The following THSD7B variants were observed in gnomAD, a reference collection of about 807,000 sequenced individuals.
THSD7B encodes the protein thrombospondin type-1 domain-containing protein 7B.
THSD7B carries 138 observed loss-of-function variants against 213.6 expected under a neutral mutation model. That is an observed-to-expected ratio of 0.65 (90% CI 0.56 to 0.74). The LOEUF (loss-of-function observed/expected upper bound fraction) is 0.74, where lower values mean the gene tolerates loss of function less well. THSD7B is among the 30% of genes least tolerant of loss of function. The pLI is 0.00. For synonymous variants in THSD7B, 742 were observed against 687.0 expected, an observed-to-expected ratio of 1.08 and a Z score of -1.25; for missense variants, 1,931 against 1,991.5, an observed-to-expected ratio of 0.97 and a Z score of 0.58.
chr2:137,532,562 A>T (rs1347430273), intron 15 of THSD7B, among the ~76,000 whole-genome samples: 1 of 151,826 alleles, frequency 6.6e-6, no homozygotes, highest in Non-Finnish European at 1.5e-5. Flanking sequence ...TATAGAGTGC[A>T]AAAAATTAAA....
intron 12 of THSD7B, among the ~76,000 whole-genome samples, chr2:137,334,737 G>T (rs1165548747): frequency 6.6e-6 from 1 of 152,166 alleles, no homozygotes; most frequent in Non-Finnish European, 1.5e-5. Flanking sequence ...AATAGAAATA[G>T]ATTAACTAGA....
chr2:136,800,699 TTC>T (rs1682161853), intron 1 of THSD7B, among the ~76,000 whole-genome samples: 1 of 141,250 alleles, frequency 7.1e-6, no homozygotes, highest in South Asian at 2.2e-4. Flanking sequence ...CCGTAATTTT[TTC>T]TTGTTTTCCA....
At chr2:137,283,434 T>C (rs1226076292) in intron 12 of THSD7B, among the ~76,000 whole-genome samples, 2 of 152,130 alleles carry the variant, frequency 1.3e-5, no homozygotes, top group African/African-American at 4.8e-5. Flanking sequence ...TCCAACACTA[T>C]GTTGAATAGG....
chr2:137,422,646 A>G (rs1003843344), intron 14 of THSD7B, among the ~76,000 whole-genome samples: 1 of 152,244 alleles, frequency 6.6e-6, no homozygotes, highest in Non-Finnish European at 1.5e-5. Context: ...AACAAGTCAT[A>G]TGCTCTAAAC....
chr2:137,335,752 T>A (rs1405418328), intron 12 of THSD7B, among the ~76,000 whole-genome samples: 1 of 152,200 alleles, frequency 6.6e-6, no homozygotes, highest in Non-Finnish European at 1.5e-5. Context: ...TTATTGATTT[T>A]AAGTGATTTT....
At chr2:137,375,729 C>A (rs1199304331) in intron 12 of THSD7B, among the ~76,000 whole-genome samples, 1 of 152,114 alleles carries the variant, frequency 6.6e-6, no homozygotes, top group Non-Finnish European at 1.5e-5. Context: ...GTAGCAAATG[C>A]GTGGTCTCCA....
At chr2:137,611,005 TA>T (rs1558859078) in intron 17 of THSD7B, among the ~76,000 whole-genome samples, 1 of 146,352 alleles carries the variant, frequency 6.8e-6, no homozygotes, top group Admixed American at 6.8e-5. Flanking sequence ...ATAATAATAA[TA>T]AATAAAAAAT....
At chr2:137,470,458 C>G (rs1006398675) in intron 15 of THSD7B, among the ~76,000 whole-genome samples, 5 of 152,164 alleles carry the variant, frequency 3.3e-5, no homozygotes, top group African/African-American at 9.7e-5. Flanking sequence ...ACAAAAAACA[C>G]TGGGAAGTAT....
intron 12 of THSD7B, among the ~76,000 whole-genome samples, chr2:137,375,947 C>A: frequency 6.6e-6 from 1 of 152,068 alleles, no homozygotes; most frequent in East Asian, 1.9e-4. Flanking sequence ...AAAAGGAAAT[C>A]CTTTGTAGAA....
chr2:137,046,108 G>A (rs140355136), intron 2 of THSD7B, among the ~76,000 whole-genome samples: 2 of 152,082 alleles, frequency 1.3e-5, no homozygotes, highest in African/African-American at 4.8e-5. Flanking sequence ...TGATTCTGCT[G>A]CCTATGATGC....
At chr2:137,359,613 G>A (rs915129444) in intron 12 of THSD7B, among the ~76,000 whole-genome samples, 33 of 152,112 alleles carry the variant, frequency 2.2e-4, no homozygotes, top group Admixed American at 6.6e-5. Context: ...ATCTGGTCTG[G>A]ATTTAACCCT....
chr2:137,266,407 C>T (rs891708735), intron 10 of THSD7B, among the ~76,000 whole-genome samples: 3 of 152,182 alleles, frequency 2.0e-5, no homozygotes, highest in Non-Finnish European at 4.4e-5. Context: ...GCATTGGTGT[C>T]ATCCTTTTGC....
At chr2:137,242,758 A>G (rs1160642261) in intron 10 of THSD7B, among the ~76,000 whole-genome samples, 186 bp downstream of exon 10, 1 of 152,096 alleles carries the variant, frequency 6.6e-6, no homozygotes, top group Non-Finnish European at 1.5e-5. Context: ...AGCTTGGAAG[A>G]GAAAACATAT....
intron 2 of THSD7B, among the ~76,000 whole-genome samples, chr2:136,979,130 C>T (rs974350599): frequency 6.6e-6 from 1 of 152,142 alleles, no homozygotes; most frequent in Non-Finnish European, 1.5e-5. Flanking sequence ...CCAATCTCTT[C>T]TGGCTTGTAG....
intron 10 of THSD7B, among the ~76,000 whole-genome samples, chr2:137,269,336 C>G (rs981085196): frequency 6.6e-6 from 1 of 152,196 alleles, no homozygotes; most frequent in African/African-American, 2.4e-5. Context: ...TACCTGCAGT[C>G]ACACCATAAA....
chr2:137,615,004 A>G (rs910108066), intron 17 of THSD7B, among the ~76,000 whole-genome samples: 1 of 152,148 alleles, frequency 6.6e-6, no homozygotes, highest in African/African-American at 2.4e-5. Context: ...TATTTTTCCC[A>G]TGACTTAAGA....
intron 12 of THSD7B, among the ~76,000 whole-genome samples, chr2:137,291,582 A>G (rs1168904273): frequency 6.6e-6 from 1 of 152,172 alleles, no homozygotes; most frequent in Non-Finnish European, 1.5e-5. Flanking sequence ...AGAAATTATA[A>G]CACATTAAAA....
Position 137,563,298 on chromosome 2 carries a change from C to T in THSD7B, c.3216C>T (p.Ile1072=). 1.9e-6 allele frequency: 3 copies of T among 1,613,374 alleles called. No homozygotes were observed. The highest frequency in any genetic ancestry group is 2.5e-6 in the Non-Finnish European group (3 of 1,179,602). The change falls in exon 16 of 28, where the codon ATC becomes ATT. Residue 1072 remains isoleucine (I), a synonymous_variant. Transcript: ENST00000409968. Reference sequence around the variant, plus strand: ...TAGAACACTGGTCTTCATGCAAAATCAACAATGAGCTGAGGTCCCTGCGCT... The same window carrying T: ...TAGAACACTGGTCTTCATGCAAAATTAACAATGAGCTGAGGTCCCTGCGCT... The part of the protein sequence containing the change: ...WVVEHWSSCK[I]NNELRSLRCG...
At position 137,019,176 on chromosome 2, in the gene THSD7B, C is replaced by T. The variant is rs558710178; in HGVS notation, c.140-37244C>T. The stretch of plus-strand genomic sequence containing the variant: ...ACATCTCCACGAGGGACACCCCACT[C>T]GCCTCCATTCCAATCCATGCCTCAT... On this transcript the variant is annotated intron_variant, in intron 2 of 27. Coordinates refer to ENST00000409968, the MANE Select transcript of THSD7B (RefSeq NM_001316349.2). Among the ~76,000 whole-genome samples, 5 of 152,314 alleles carry T rather than the reference C, an allele frequency of 3.3e-5. 1 individual carries two copies. The highest frequency in any genetic ancestry group is 1.2e-4 in the African/African-American group (5 of 41,570).
Sources: allele counts gnomAD v4.1 joint callset (sites outside exome capture counted in the v4.1 genomes callset), GRCh38; gene constraint gnomAD v4.1.1; transcripts MANE v1.5; gene names NCBI Gene and HGNC (gene_info 2026-07-23, HGNC 2026-07-21).